FAT3: variants seen among roughly 807,000 people sequenced by gnomAD.
The protein encoded by FAT3 is protocadherin Fat 3.
A neutral mutation model predicts 310.2 loss-of-function variants in FAT3; 95 were observed. The observed-to-expected ratio is 0.31, with a 90% confidence interval of 0.26 to 0.36. The LOEUF is 0.36. Among genes scored for constraint, FAT3 ranks in the 10% least tolerant of loss-of-function variants. The probability of loss-of-function intolerance (pLI) is 1.00; values close to 1 mark genes in which losing one functional copy is unlikely to be tolerated. For missense variants in FAT3, 5,408 were observed against 5,715.6 expected (o/e 0.95, Z 1.74); for synonymous variants, 2,314 against 2,192.9 (o/e 1.06, Z -1.54).
At chr11:92,490,130 G>C (rs1952560605) in intron 2 of FAT3, among the ~76,000 whole-genome samples, 1 of 151,980 alleles carries the variant, frequency 6.6e-6, no homozygotes, top group Non-Finnish European at 1.5e-5. Flanking sequence ...TTAAGAATTA[G>C]TTATAATTGT....
intron 22 of FAT3, among the ~76,000 whole-genome samples, chr11:92,870,116 A>G (rs578220847): frequency 6.6e-6 from 1 of 152,328 alleles, no homozygotes; most frequent in African/African-American, 2.4e-5. Flanking sequence ...AGTATTGGTC[A>G]TCGGTTCTCC....
chr11:92,844,316 C>T lies in FAT3; in HGVS notation c.10949C>T (p.Thr3650Ile). Residue 3650 changes from threonine (T) to isoleucine (I), a missense_variant, in exon 19 of 28, where the codon ACC (threonine) becomes ATC (isoleucine). Physicochemically the swap from Thr to Ile is moderately conservative, Grantham distance 89 (BLOSUM62 -1). Transcript: ENST00000525166. ...CATGAGATGCTGCAGAACACTGTCA[C>T]CATCCGCTTTGAAAATGTGTCCCCT... ...LVHEMLQNTV[T>I]IRFENVSPED... is the part of the protein sequence containing the mutation. 1 of 1,613,946 alleles carries T rather than the reference C, an allele frequency of 6.2e-7. No homozygotes were observed.
At chr11:92,571,851 G>GT (rs1386556296) in intron 3 of FAT3, among the ~76,000 whole-genome samples, 2 of 152,078 alleles carry the variant, frequency 1.3e-5, no homozygotes, top group South Asian at 2.1e-4. Flanking sequence ...TCACTATCCC[G>GT]TTTTTTCTCA....
At chr11:92,529,402 A>G (rs1175697005) in intron 3 of FAT3, among the ~76,000 whole-genome samples, 2 of 152,194 alleles carry the variant, frequency 1.3e-5, no homozygotes, top group Non-Finnish European at 2.9e-5. Context: ...GAGGCATGAT[A>G]TTATTAGAAA....
intron 3 of FAT3, among the ~76,000 whole-genome samples, chr11:92,683,907 C>T (rs993925651): frequency 1.3e-5 from 2 of 152,160 alleles, no homozygotes; most frequent in African/African-American, 4.8e-5. Flanking sequence ...ATTAAAATCA[C>T]AGCAAAATTA....
At chr11:92,311,187 G>T (rs1167090147) in intron 1 of FAT3, among the ~76,000 whole-genome samples, 1 of 151,796 alleles carries the variant, frequency 6.6e-6, no homozygotes, top group Non-Finnish European at 1.5e-5. Context: ...TGTACCTTTG[G>T]TTAAGAATCA....
intron 3 of FAT3, among the ~76,000 whole-genome samples, chr11:92,555,831 C>T (rs934024517): frequency 2.0e-5 from 3 of 152,228 alleles, no homozygotes; most frequent in African/African-American, 7.2e-5. Flanking sequence ...TTACCACACT[C>T]ACCACAGACC....
intron 3 of FAT3, among the ~76,000 whole-genome samples, chr11:92,659,312 T>C (rs765952209): frequency 2.6e-5 from 4 of 152,194 alleles, no homozygotes; most frequent in African/African-American, 4.8e-5. Flanking sequence ...TACTGAAGAA[T>C]AGAACTCAGG....
chr11:92,716,147 T>TG (rs1218845661), intron 4 of FAT3, among the ~76,000 whole-genome samples: 2 of 152,156 alleles, frequency 1.3e-5, no homozygotes, highest in African/African-American at 4.8e-5. Context: ...GCTATCCAAC[T>TG]GCAGGTAGTG....
At chr11:92,828,239 A>T (rs1317540359) in intron 13 of FAT3, among the ~76,000 whole-genome samples, 1 of 152,066 alleles carries the variant, frequency 6.6e-6, no homozygotes, top group African/African-American at 2.4e-5. Flanking sequence ...CCTTATAAAG[A>T]TGGCACCCCA....
chr11:92,779,951 C>G (rs1223778246), intron 7 of FAT3, among the ~76,000 whole-genome samples: 1 of 152,118 alleles, frequency 6.6e-6, no homozygotes, highest in Non-Finnish European at 1.5e-5. Flanking sequence ...TCCCAGCTGA[C>G]AGCCAGCAGG....
intron 1 of FAT3, among the ~76,000 whole-genome samples, chr11:92,334,942 G>A (rs558636077): frequency 6.6e-6 from 1 of 152,254 alleles, no homozygotes; most frequent in African/African-American, 2.4e-5. Context: ...TATACCTGTG[G>A]AAATTCTTAT....
intron 4 of FAT3, among the ~76,000 whole-genome samples, chr11:92,710,900 C>T (rs1299831168): frequency 1.3e-5 from 2 of 152,176 alleles, no homozygotes; most frequent in Non-Finnish European, 1.5e-5. Context: ...GAGAAAAAGC[C>T]TATTCCAAAA....
At chr11:92,540,390 G>A (rs944165797) in intron 3 of FAT3, among the ~76,000 whole-genome samples, 4 of 152,090 alleles carry the variant, frequency 2.6e-5, no homozygotes, top group East Asian at 1.9e-4. Flanking sequence ...TGGTGAAGTG[G>A]CCATCTCTGT....
chr11:92,336,007 T>C, intron 1 of FAT3: 2 of 471,276 alleles, frequency 4.2e-6, no homozygotes, highest in South Asian at 3.3e-5. Flanking sequence ...AAGGTGGTGC[T>C]TCTTGAGCTC....
chr11:92,397,034 A>C (rs1949885233), intron 2 of FAT3, among the ~76,000 whole-genome samples: 2 of 152,060 alleles, frequency 1.3e-5, no homozygotes, highest in African/African-American at 2.4e-5. Context: ...TGGGCCACAC[A>C]CCTTTATAAA....
chr11:92,777,713 A>G (rs147252838), intron 7 of FAT3, among the ~76,000 whole-genome samples: 2 of 152,196 alleles, frequency 1.3e-5, no homozygotes, highest in East Asian at 3.9e-4. Context: ...CACCTCAAGC[A>G]AGCCACCTAA....
chr11:92,603,793 C>A (rs1207497413), intron 3 of FAT3, among the ~76,000 whole-genome samples: 2 of 152,168 alleles, frequency 1.3e-5, no homozygotes, highest in East Asian at 1.9e-4. Flanking sequence ...GTACCAAAAA[C>A]CAAAAAGAAC....
At chr11:92,347,762 A>G (rs1009647525) in intron 1 of FAT3, among the ~76,000 whole-genome samples, 1 of 152,216 alleles carries the variant, frequency 6.6e-6, no homozygotes, top group Non-Finnish European at 1.5e-5. Context: ...TGATGGCTTG[A>G]TGATCTCTTT....
Sources: gnomAD v4.1 joint callset for allele counts (sites outside exome capture counted in the v4.1 genomes callset) on GRCh38, gnomAD v4.1.1 for gene constraint, MANE v1.5 for transcripts, NCBI Gene and HGNC (gene_info 2026-07-23, HGNC 2026-07-21) for gene names.